PRDM4: variants seen among roughly 807,000 people sequenced by gnomAD.
PRDM4 encodes the protein PR domain zinc finger protein 4.
Under a neutral mutation model 62.3 loss-of-function variants are expected in PRDM4, and 38 were observed. That is an observed-to-expected ratio of 0.61 (90% CI 0.47 to 0.80). PRDM4 has a LOEUF of 0.80. Ranked by LOEUF, PRDM4 falls within the 30% of genes least tolerant of loss-of-function variation. PRDM4 has a pLI of 0.00. For synonymous variants in PRDM4, 339 were observed against 348.2 expected (o/e 0.97, Z 0.30); for missense variants, 858 against 997.1 (o/e 0.86, Z 1.88).
chr12:107,740,797 A>G (rs1216102081), intron 10 of PRDM4, 149 bp downstream of exon 10: 1 of 786,088 alleles, frequency 1.3e-6, no homozygotes, highest in Non-Finnish European at 2.0e-6. Context: ...ATTGGAAGTG[A>G]CAGCCTCCAA....
At chr12:107,746,548 G>C in intron 5 of PRDM4, 124 bp from the exon 6 acceptor site, 1 of 892,970 alleles carries the variant, frequency 1.1e-6, no homozygotes, top group Non-Finnish European at 1.6e-6. Context: ...GCAATGGCGC[G>C]ATTTTGGCTC....
At position 107,760,186 on chromosome 12, in the gene PRDM4, G is replaced by A. The variant is rs1891193952; in HGVS notation, c.11+319C>T. 5.3e-5 allele frequency among the ~76,000 whole-genome samples: 8 copies of A among 152,090 alleles called. No individual in the cohort carries two copies. In the South Asian group the frequency reaches 1.7e-3, roughly 32 times the overall value. The stretch of plus-strand genomic sequence containing the variant: ...TCCCTGCCATACCAGCAAAACTCAA[G>A]GTGAAGCATAATAAGATAACAATAC... On this transcript the variant is annotated intron_variant, in intron 2 of 11. Transcript: ENST00000228437.
At chr12:107,741,537 C>T (rs1332409663) in intron 9 of PRDM4, among the ~76,000 whole-genome samples, 3 of 151,908 alleles carry the variant, frequency 2.0e-5, no homozygotes, top group African/African-American at 7.3e-5. Context: ...CAGCAAGACC[C>T]CATCTCCATA....
chr12:107,734,221 C>G lies in PRDM4; in HGVS notation c.2395G>C (p.Ala799Pro), dbSNP rs1566090013. Residue 799 changes from alanine to proline, a missense_variant, in exon 12 of 12, where the codon GCA becomes CCA. Coordinates refer to ENST00000228437, the MANE Select transcript of PRDM4 (RefSeq NM_012406.4). ...TGTTTCTTTTCCTTTTATTTATGTG[C>G]AGAAAGAGACTCATCCGCTGAATAC... ...AVYSADESLSAHK is the reference protein window; with the variant it reads ...AVYSADESLSPHK The G allele has an allele frequency of 6.3e-7, 1 of 1,586,120 alleles. No individual in the cohort carries two copies. Among genetic ancestry groups the G allele is most frequent in the Non-Finnish European group, 8.6e-7 (1 of 1,168,054 alleles).
rs73398392 is a variant in PRDM4, at chr12:107,734,730, A to G, written c.2094-208T>C. ...TTTCCTGTTTTAGAATACTATGTAA[A>G]TTCTCAAATTCTATGTAAATTCTAT... On this transcript the variant is annotated intron_variant, in intron 11 of 11. Transcript: ENST00000228437. Among the ~76,000 whole-genome samples, 1,045 of 152,308 alleles carry G rather than the reference A, an allele frequency of 6.9e-3. 13 individuals carry two copies. The highest frequency in any genetic ancestry group is 0.024 in the African/African-American group (984 of 41,562).
At chr12:107,757,438 G>A (rs1040752789) in intron 2 of PRDM4, among the ~76,000 whole-genome samples, 2 of 152,048 alleles carry the variant, frequency 1.3e-5, no homozygotes, top group Admixed American at 6.5e-5. Flanking sequence ...CCAGATTATC[G>A]ATGATGTGAA....
intron 9 of PRDM4, among the ~76,000 whole-genome samples, chr12:107,741,954 C>T (rs1447891905): frequency 2.6e-5 from 4 of 152,134 alleles, no homozygotes; most frequent in Non-Finnish European, 5.9e-5. Flanking sequence ...GGTGCTAGCT[C>T]GAAAAGTAGC....
chr12:107,751,527 C>G lies in PRDM4; in HGVS notation c.1014G>C (p.Met338Ile), dbSNP rs772899897. The G allele has an allele frequency of 6.2e-6, 10 of 1,612,512 alleles. No individual in the cohort carries two copies. Among genetic ancestry groups the G allele is most frequent in the African/African-American group, 1.3e-5 (1 of 74,884 alleles). The change falls in exon 5 of 12, where the codon ATG becomes ATC. Residue 338 changes from methionine to isoleucine, a missense_variant. Met to Ile is a conservative substitution (Grantham distance 10, BLOSUM62 1). Around this residue, in one of 3 missense-constraint regions of PRDM4, gnomAD observed 499 missense variants for 546.7 expected, o/e 0.91. Coordinates refer to ENST00000228437, the MANE Select transcript of PRDM4 (RefSeq NM_012406.4). The part of the protein sequence containing the change: ...AVSSITQEVA[M>I]GTGHVDVSSD... ...AAGATACATCTACATGACCTGTCCC[C>G]ATAGCAACCTCCTGGGTGATGGAGG...
chr12:107,745,349 G>A (rs1351255789), intron 6 of PRDM4, among the ~76,000 whole-genome samples: 2 of 152,146 alleles, frequency 1.3e-5, no homozygotes, highest in Admixed American at 1.3e-4. Context: ...ACTGCTTGAG[G>A]CCAGGAGTTC....
intron 11 of PRDM4, among the ~76,000 whole-genome samples, chr12:107,735,055 C>T (rs1890284627): frequency 6.6e-6 from 1 of 152,072 alleles, no homozygotes; most frequent in East Asian, 1.9e-4. Context: ...AATGGCTATT[C>T]ACAGGTGTGA....
intron 5 of PRDM4, among the ~76,000 whole-genome samples, chr12:107,750,624 TTTG>T (rs1890858425): frequency 6.6e-6 from 1 of 152,314 alleles, no homozygotes; most frequent in East Asian, 1.9e-4. Flanking sequence ...TATATTGTTT[TTTG>T]TTGTTGTTGC....
At chr12:107,751,287 G>T in intron 5 of PRDM4, 128 bp downstream of exon 5, 2 of 925,376 alleles carry the variant, frequency 2.2e-6, no homozygotes, top group Non-Finnish European at 3.2e-6. Context: ...CAATACCAAG[G>T]CAAAGAAAAG....
rs1486093162 is a variant in PRDM4, at chr12:107,741,202, G to A, written c.1668C>T (p.Tyr556=). 3 of 1,614,038 alleles carry A rather than the reference G, an allele frequency of 1.9e-6. No individual in the cohort carries two copies. Among genetic ancestry groups the A allele is most frequent in the Non-Finnish European group, 2.5e-6 (3 of 1,180,028 alleles). ...LCNCGKECNS[Y]TEFKAHLTSH... is the part of the protein sequence containing the mutation. ...TGGTCAGATGGGCTTTGAACTCTGT[G>A]TAAGAATTGCACTCCTTGCCACAGT... Residue 556 remains tyrosine (Y), a synonymous_variant, in exon 10 of 12, where the codon TAC becomes TAT. Transcript: ENST00000228437.
At position 107,739,407 on chromosome 12, in the gene PRDM4, T is replaced by C; in HGVS notation, c.2069A>G (p.Lys690Arg). 1 of 1,613,724 alleles carries C rather than the reference T, an allele frequency of 6.2e-7. No individual in the cohort carries two copies. The highest frequency in any genetic ancestry group is 8.5e-7 in the Non-Finnish European group (1 of 1,179,800). Residue 690 changes from lysine (K) to arginine (R), a missense_variant, in exon 11 of 12, where the codon AAG becomes AGG. Around this residue, in one of 3 missense-constraint regions of PRDM4, gnomAD observed 355 missense variants for 432.6 expected, o/e 0.82. Transcript: ENST00000228437. Reference sequence around the variant, plus strand: ...CTGAGTGTGGATGAGCACGTGCTGCTTGAGGTCCTGCCTCCGCATAAACAA... The same window carrying C: ...CTGAGTGTGGATGAGCACGTGCTGCCTGAGGTCCTGCCTCCGCATAAACAA... Reference protein sequence around the residue: ...DKLFMRRQDLKQHVLIHTQER... With the variant: ...DKLFMRRQDLRQHVLIHTQER...
chr12:107,749,806 A>C (rs1189616628), intron 5 of PRDM4, among the ~76,000 whole-genome samples: 1 of 151,884 alleles, frequency 6.6e-6, no homozygotes, highest in Non-Finnish European at 1.5e-5. Context: ...TCACTCCCTA[A>C]AACTCTTGAC....
intron 2 of PRDM4, among the ~76,000 whole-genome samples, chr12:107,758,940 A>C (rs560784791): frequency 3.3e-5 from 5 of 152,360 alleles, no homozygotes; most frequent in Non-Finnish European, 5.9e-5. Flanking sequence ...ACACCTTATG[A>C]AGAACAGCAT....
Position 107,734,360 on chromosome 12 carries a change from G to A in PRDM4, c.2256C>T (p.Cys752=). 1 of 1,614,188 alleles carries A rather than the reference G, an allele frequency of 6.2e-7. No homozygotes were observed. Among genetic ancestry groups the A allele is most frequent in the Non-Finnish European group, 8.5e-7 (1 of 1,180,030 alleles). The part of the protein sequence containing the change: ...KYHLTRHLKT[C]KGPTSSSSAP... Reference sequence around the variant, plus strand: ...CTGACGAACTGGAGGTGGGCCCTTTGCAGGTTTTCAGGTGGCGGGTGAGAT... The same window carrying A: ...CTGACGAACTGGAGGTGGGCCCTTTACAGGTTTTCAGGTGGCGGGTGAGAT... The change falls in exon 12 of 12, where the codon TGC becomes TGT. Residue 752 remains cysteine, a synonymous_variant. Transcript: ENST00000228437.
At chr12:107,736,483 G>A (rs1326340225) in intron 11 of PRDM4, 1 of 152,298 alleles carries the variant, frequency 6.6e-6, no homozygotes, top group Non-Finnish European at 1.5e-5. Context: ...CAAGGGGAGG[G>A]TCAGAGTGGC....
At chr12:107,756,988 A>C in intron 2 of PRDM4, 23 bp from the exon 3 acceptor site, 1 of 1,611,980 alleles carries the variant, frequency 6.2e-7, no homozygotes, top group Admixed American at 1.7e-5. Context: ...ACACACAACT[A>C]GTTATGCAAA....
Sources: gnomAD v4.1 joint callset for allele counts (sites outside exome capture counted in the v4.1 genomes callset) on GRCh38, gnomAD v4.1.1 for gene constraint, gnomAD v4.1.1 regional missense constraint, MANE v1.5 for transcripts, NCBI Gene and HGNC (gene_info 2026-07-23, HGNC 2026-07-21) for gene names.